AP3B2: variants seen among roughly 807,000 people sequenced by gnomAD.
AP3B2 encodes adaptor related protein complex 3 subunit beta 2.
Under a neutral mutation model 126.9 loss-of-function variants are expected in AP3B2, and 50 were observed. That is an observed-to-expected ratio of 0.39 (90% confidence interval 0.31 to 0.50). AP3B2 has a LOEUF of 0.50. AP3B2 is among the 20% of genes least tolerant of loss of function. The pLI is 0.79. For missense variants in AP3B2, 1,177 were observed against 1,426.4 expected (o/e 0.83, Z 2.82); for synonymous variants, 541 against 565.0 (o/e 0.96, Z 0.60).
Position 82,659,514 on chromosome 15 carries a change from A to T in AP3B2, c.*46T>A. 6.2e-7 allele frequency: 1 copy of T among 1,603,330 alleles called. No individual in the cohort carries two copies. Among genetic ancestry groups the T allele is most frequent in the Non-Finnish European group, 8.5e-7 (1 of 1,172,680 alleles). On this transcript the variant is annotated 3_prime_UTR_variant, in exon 27 of 27. Coordinates refer to ENST00000535359, the MANE Select transcript of AP3B2 (RefSeq NM_001278512.2). ...GAGAGAGACTGACAGCCTAGGTGTCATGGGGAGGTATAGATGGGAGCCAAA... is the reference window on the plus strand; with the variant it reads ...GAGAGAGACTGACAGCCTAGGTGTCTTGGGGAGGTATAGATGGGAGCCAAA...
chr15:82,662,116 C>A, intron 24 of AP3B2, 52 bp downstream of exon 24: 9 of 1,506,064 alleles, frequency 6.0e-6, no homozygotes, highest in Non-Finnish European at 8.2e-6. Flanking sequence ...TCATTGTTAC[C>A]CTGTCCCTTT....
At chr15:82,676,712 A>C in intron 13 of AP3B2, 75 bp from the exon 14 acceptor site, 2 of 1,465,632 alleles carry the variant, frequency 1.4e-6, no homozygotes, top group Non-Finnish European at 1.9e-6. Flanking sequence ...CTTCCAGGGA[A>C]ACAGCACTCC....
chr15:82,677,639 C>T lies in AP3B2; in HGVS notation c.1378+32G>A, dbSNP rs1312412129. On this transcript the variant is annotated intron_variant, in intron 12 of 26. Coordinates refer to ENST00000535359, the MANE Select transcript of AP3B2 (RefSeq NM_001278512.2). ...GACCTGCAGGCAGACACCCTCTGATCATCACGGTTAGACACTCAGGGAAAC... is the reference window on the plus strand; with the variant it reads ...GACCTGCAGGCAGACACCCTCTGATTATCACGGTTAGACACTCAGGGAAAC... 2.0e-6 allele frequency: 3 copies of T among 1,497,558 alleles called. No homozygotes were observed. In the East Asian group the frequency reaches 7.4e-5, roughly 37 times the overall value. The allele number at this position is 1,497,558 out of a possible 1,614,324, so 92.8% of individuals were successfully genotyped here. A position where few individuals can be genotyped will look rare whatever the true frequency, so the allele number is the denominator to read the frequency against.
intron 1 of AP3B2, chr15:82,689,657 C>T: frequency 1.7e-6 from 1 of 589,406 alleles, no homozygotes. Context: ...TGAACTGTGT[C>T]CTTCCTAAAA....
At chr15:82,683,965 A>G (rs1000597901) in intron 4 of AP3B2, among the ~76,000 whole-genome samples, 3 of 152,224 alleles carry the variant, frequency 2.0e-5, no homozygotes, top group Non-Finnish European at 4.4e-5. Context: ...GGCTTAAAAA[A>G]TTCAGTAAAC....
rs1188681983 is a variant in AP3B2, at chr15:82,680,647, T to C, written c.880A>G (p.Lys294Glu). 3 of 1,587,418 alleles carry C rather than the reference T, an allele frequency of 1.9e-6. No homozygotes were observed. The highest frequency in any genetic ancestry group is 1.7e-5 in the Admixed American group (1 of 58,432). ...ETAAAAAPSR[K>E]PYVMDPDHRL... The stretch of plus-strand genomic sequence containing the variant: ...TGGTCGGGGTCCATGACATAGGGCT[T>C]TCGGGAGGGGGCGGCCGCGGCGGCC... Residue 294 changes from lysine to glutamate, a missense_variant, in exon 8 of 27, where the codon AAG (lysine) becomes GAG (glutamate). This residue lies in a region of AP3B2 where 103 missense variants were observed against 101.4 expected (regional missense o/e 1.02). Coordinates refer to ENST00000535359, the MANE Select transcript of AP3B2 (RefSeq NM_001278512.2). This position sits in a 1 kb window ranked among gnomAD's most constrained non-coding sequence, Gnocchi z 6.1.
intron 23 of AP3B2, 184 bp from the exon 24 acceptor site, chr15:82,662,436 C>T (rs1464207661): frequency 1.1e-5 from 7 of 649,994 alleles, no homozygotes; most frequent in African/African-American, 1.8e-5. Flanking sequence ...ACCCTTTCCC[C>T]CACTCACCCT....
chr15:82,664,844 C>A lies in AP3B2; in HGVS notation c.2128G>T (p.Ala710Ser). The stretch of plus-strand genomic sequence containing the variant: ...TCTGCCATCTGCTCACCACTGTCTG[C>A]GGACTCCGTGGGGCCTGACTCCCCC... ...SEGESGPTES[A>S]DSDPESESES... Residue 710 changes from alanine to serine, a missense_variant, in exon 18 of 27, where the codon GCA becomes TCA. By Grantham distance (99) the Ala-to-Ser change is moderately conservative. Coordinates refer to ENST00000535359, the MANE Select transcript of AP3B2 (RefSeq NM_001278512.2). The surrounding 1 kb of genome is among the most constrained non-coding windows in gnomAD (Gnocchi z 4.5). 1 of 1,590,868 alleles carries A rather than the reference C, an allele frequency of 6.3e-7. No homozygotes were observed. Among genetic ancestry groups the A allele is most frequent in the South Asian group, 1.1e-5 (1 of 87,366 alleles).
At position 82,664,349 on chromosome 15, in the gene AP3B2, G is replaced by A; in HGVS notation, c.2261+18C>T. The A allele has an allele frequency of 1.9e-6, 3 of 1,613,678 alleles. No individual in the cohort carries two copies. The highest frequency in any genetic ancestry group is 1.1e-5 in the South Asian group (1 of 91,058). ...GCCCCCTGAACCCCACCAGCCATCTGGCTAGCTCCCTTCTCACCTCTCACT... is the reference window on the plus strand; with the variant it reads ...GCCCCCTGAACCCCACCAGCCATCTAGCTAGCTCCCTTCTCACCTCTCACT... On this transcript the variant is annotated intron_variant, in intron 19 of 26. Coordinates refer to ENST00000535359, the MANE Select transcript of AP3B2 (RefSeq NM_001278512.2). This position sits in a 1 kb window ranked among gnomAD's most constrained non-coding sequence, Gnocchi z 4.5.
chr15:82,666,416 G>C (rs542909896), intron 15 of AP3B2, among the ~76,000 whole-genome samples: 69 of 152,312 alleles, frequency 4.5e-4, no homozygotes, highest in African/African-American at 1.6e-3. Context: ...TGCCTTCCTG[G>C]GTCCTTGGTA....
chr15:82,681,369 A>G lies in AP3B2; in HGVS notation c.521+51T>C. ...CTTAGGAAAGGCCAGGGGTGGGTTG[A>G]GAACTTAGGAACCAGCCTCCTGGGG... On this transcript the variant is annotated intron_variant, in intron 5 of 26. Transcript: ENST00000535359. The surrounding 1 kb of genome is among the most constrained non-coding windows in gnomAD (Gnocchi z 4.0). The G allele has an allele frequency of 6.2e-7, 1 of 1,603,378 alleles. No individual in the cohort carries two copies. Among genetic ancestry groups the G allele is most frequent in the Non-Finnish European group, 8.5e-7 (1 of 1,174,096 alleles).
At chr15:82,689,658 C>T (rs2048490886) in intron 1 of AP3B2, 1 of 589,022 alleles carries the variant, frequency 1.7e-6, no homozygotes, top group Non-Finnish European at 3.0e-6. Flanking sequence ...GAACTGTGTC[C>T]TTCCTAAAAA....
intron 1 of AP3B2, chr15:82,692,460 G>A: frequency 3.2e-6 from 1 of 311,102 alleles, no homozygotes; most frequent in East Asian, 8.2e-5. Context: ...AGCAATTGTG[G>A]TACTTTTGAT....
chr15:82,690,715 G>A (rs574346126), intron 1 of AP3B2, among the ~76,000 whole-genome samples: 34 of 137,876 alleles, frequency 2.5e-4, no homozygotes, highest in African/African-American at 8.8e-4. Flanking sequence ...GTGCAGTGGC[G>A]CAATCTCGGC....
intron 1 of AP3B2, chr15:82,691,751 T>C: frequency 6.3e-7 from 1 of 1,583,912 alleles, no homozygotes; most frequent in Non-Finnish European, 8.6e-7. Context: ...AGAGAAGTGG[T>C]GTGGGGAACC....
Position 82,664,684 on chromosome 15 carries a change from C to T in AP3B2, c.2137+151G>A. On this transcript the variant is annotated intron_variant, in intron 18 of 26. Transcript: ENST00000535359. The surrounding 1 kb of genome is among the most constrained non-coding windows in gnomAD (Gnocchi z 4.5). ...GGATAGAAACCTGCACAAGCACACA[C>T]ACCTGGAACATGAATCCCTCAGGTG... 1.1e-6 allele frequency: 1 copy of T among 892,536 alleles called. No individual in the cohort carries two copies. Among genetic ancestry groups the T allele is most frequent in the South Asian group, 1.7e-5 (1 of 60,068 alleles). The allele number at this position is 892,536 out of a possible 1,614,324, so 55.3% of individuals were successfully genotyped here. A position where few individuals can be genotyped will look rare whatever the true frequency, so the allele number is the denominator to read the frequency against.
rs60453689 is a variant in AP3B2 at position 82,688,249 on chromosome 15, G to T, written c.360+487C>A. The T allele has an allele frequency of 4.2e-3, 2,506 of 592,098 alleles. 18 individuals carry two copies. The highest frequency in any genetic ancestry group is 0.026 in the Middle Eastern group (72 of 2,742). 36.7% of individuals were successfully genotyped at this position (592,098 alleles called of 1,614,324 possible). Reference sequence around the variant, plus strand: ...TTAGACTAACCAGAAAAGCCCTTAGGGGGGAGACTTATACATGCACCTAAC... The same window carrying T: ...TTAGACTAACCAGAAAAGCCCTTAGTGGGGAGACTTATACATGCACCTAAC... On this transcript the variant is annotated intron_variant, in intron 4 of 26. Transcript: ENST00000535359.
chr15:82,690,037 T>C (rs1235305159), intron 1 of AP3B2: 1 of 153,250 alleles, frequency 6.5e-6, no homozygotes, highest in African/African-American at 2.4e-5. Context: ...GGCAGACGAT[T>C]GGAAAGATGC....
At chr15:82,688,637 C>G (rs1254083939) in intron 4 of AP3B2, 99 bp downstream of exon 4, 1 of 1,148,668 alleles carries the variant, frequency 8.7e-7, no homozygotes, top group Non-Finnish European at 1.3e-6. Context: ...AAGGGGTCTG[C>G]AGAGCCCGCT....
Sources: gnomAD v4.1 joint callset for allele counts (sites outside exome capture counted in the v4.1 genomes callset) on GRCh38, gnomAD v4.1.1 for gene constraint, gnomAD v4.1.1 regional missense constraint, Gnocchi (gnomAD v3.1) non-coding constraint, MANE v1.5 for transcripts, NCBI Gene and HGNC (gene_info 2026-07-23, HGNC 2026-07-21) for gene names.